TRAPPC9: variants seen among roughly 807,000 people sequenced by gnomAD.
The protein encoded by TRAPPC9 is trafficking protein particle complex subunit 9.
TRAPPC9 carries 83 observed loss-of-function variants against 124.0 expected under a neutral mutation model. The observed-to-expected ratio is 0.67, with a 90% CI of 0.56 to 0.80. The LOEUF (loss-of-function observed/expected upper bound fraction) is 0.80, where lower values mean the gene tolerates loss of function less well. Ranked by LOEUF, TRAPPC9 falls within the 30% of genes least tolerant of loss-of-function variation. The probability of loss-of-function intolerance (pLI) is 0.00; values close to 1 mark genes in which losing one functional copy is unlikely to be tolerated. For synonymous variants in TRAPPC9, 638 were observed against 617.5 expected (o/e 1.03, Z -0.49); for missense variants, 1,302 against 1,508.3 (o/e 0.86, Z 2.27).
intron 1 of TRAPPC9, among the ~76,000 whole-genome samples, chr8:140,455,924 C>A (rs2071643391): frequency 1.3e-5 from 2 of 152,166 alleles, no homozygotes; most frequent in Admixed American, 1.3e-4. Flanking sequence ...CAAAAGGCCA[C>A]ATGTTGTATG....
chr8:139,848,087 G>C (rs1226124628), intron 21 of TRAPPC9, among the ~76,000 whole-genome samples: 1 of 152,138 alleles, frequency 6.6e-6, no homozygotes, highest in Non-Finnish European at 1.5e-5. Context: ...CCATCTAAAG[G>C]GCTTTTTCCA....
chr8:140,191,282 T>A (rs923374354), intron 17 of TRAPPC9, among the ~76,000 whole-genome samples: 4 of 152,168 alleles, frequency 2.6e-5, no homozygotes, highest in African/African-American at 9.7e-5. Flanking sequence ...TCACAGAAAC[T>A]CAGTAATTTG....
intron 17 of TRAPPC9, among the ~76,000 whole-genome samples, chr8:140,105,979 A>G (rs1372244497): frequency 6.6e-6 from 1 of 152,000 alleles, no homozygotes; most frequent in Non-Finnish European, 1.5e-5. Flanking sequence ...TCAAAGGTCC[A>G]AGCCTATCCA....
At chr8:140,316,747 A>G (rs1402640885) in intron 9 of TRAPPC9, among the ~76,000 whole-genome samples, 1 of 152,178 alleles carries the variant, frequency 6.6e-6, no homozygotes, top group East Asian at 1.9e-4. Context: ...TGGTTTTAGT[A>G]TACCAAAGTA....
chr8:140,348,557 G>A (rs1460375027), intron 9 of TRAPPC9, among the ~76,000 whole-genome samples: 1 of 152,052 alleles, frequency 6.6e-6, no homozygotes, highest in African/African-American at 2.4e-5. Context: ...ACCTAAAGAT[G>A]TTCACCACAG....
chr8:140,094,252 G>A (rs1190732880), intron 17 of TRAPPC9, among the ~76,000 whole-genome samples: 2 of 152,222 alleles, frequency 1.3e-5, no homozygotes, highest in Non-Finnish European at 2.9e-5. Flanking sequence ...GCAGGGAGGT[G>A]CACCCACAGT....
intron 21 of TRAPPC9, among the ~76,000 whole-genome samples, chr8:139,755,596 G>A (rs1306785237): frequency 2.4e-5 from 3 of 123,150 alleles, no homozygotes; most frequent in African/African-American, 6.7e-5. Context: ...ACAGCAGGTC[G>A]CAGGAGGAGC....
intron 17 of TRAPPC9, among the ~76,000 whole-genome samples, chr8:140,211,838 C>T (rs1005498095): frequency 2.6e-5 from 4 of 152,202 alleles, no homozygotes; most frequent in Non-Finnish European, 4.4e-5. Flanking sequence ...AGAAGGCATG[C>T]TTCACAAGCC....
intron 13 of TRAPPC9, among the ~76,000 whole-genome samples, chr8:140,286,896 G>C (rs568554982): frequency 1.1e-4 from 16 of 152,124 alleles, no homozygotes; most frequent in Non-Finnish European, 1.9e-4. Flanking sequence ...CAGGGCCAGG[G>C]AACACAGGGC....
chr8:140,253,603 G>A (rs976411608), intron 15 of TRAPPC9, among the ~76,000 whole-genome samples: 11 of 151,972 alleles, frequency 7.2e-5, no homozygotes, highest in African/African-American at 1.9e-4. Flanking sequence ...GCTTGAACCC[G>A]GCAGGCAGAG....
chr8:140,428,079 C>T (rs571348912), intron 4 of TRAPPC9, among the ~76,000 whole-genome samples: 1 of 152,272 alleles, frequency 6.6e-6, no homozygotes, highest in East Asian at 1.9e-4. Flanking sequence ...GCTGCACAGA[C>T]CTTGAGGAAG....
chr8:140,368,199 C>T (rs556248166), intron 8 of TRAPPC9, among the ~76,000 whole-genome samples: 1 of 152,216 alleles, frequency 6.6e-6, no homozygotes, highest in Non-Finnish European at 1.5e-5. Context: ...TTTGTCTTAG[C>T]CGTTGTGATG....
intron 16 of TRAPPC9, among the ~76,000 whole-genome samples, chr8:140,231,597 A>G (rs2063598873): frequency 7.2e-6 from 1 of 139,772 alleles, no homozygotes; most frequent in South Asian, 2.2e-4. Flanking sequence ...GGTTCAAGCA[A>G]TTCTCCTGCC....
intron 21 of TRAPPC9, among the ~76,000 whole-genome samples, chr8:139,783,603 G>A (rs1328011370): frequency 6.6e-6 from 1 of 152,170 alleles, no homozygotes; most frequent in Non-Finnish European, 1.5e-5. Flanking sequence ...ATTGAAGAAA[G>A]ACACAAACTC....
At chr8:140,410,315 C>T (rs1164248744) in intron 5 of TRAPPC9, among the ~76,000 whole-genome samples, 3 of 152,000 alleles carry the variant, frequency 2.0e-5, no homozygotes, top group African/African-American at 2.4e-5. Flanking sequence ...GCAGACAGAT[C>T]GCCTGAGGCC....
intron 21 of TRAPPC9, chr8:139,880,944 C>A (rs1332053189): frequency 6.6e-6 from 1 of 152,252 alleles, no homozygotes; most frequent in Non-Finnish European, 1.5e-5. Context: ...GACAGGCTCA[C>A]CTCCTGAAGG....
At chr8:139,791,581 GACACAC>G (rs137877446) in intron 21 of TRAPPC9, among the ~76,000 whole-genome samples, 1 of 141,782 alleles carries the variant, frequency 7.1e-6, no homozygotes, top group Non-Finnish European at 1.5e-5. Context: ...CCCCTGCACA[GACACAC>G]ACACACACTC....
chr8:140,435,148 T>C lies in TRAPPC9; in HGVS notation c.823A>G (p.Thr275Ala), dbSNP rs764791200. Residue 275 changes from threonine (T) to alanine (A), a missense_variant, in exon 4 of 23, where the codon ACC becomes GCC. By Grantham distance (58) the Thr-to-Ala change is moderately conservative. This residue lies in a region of TRAPPC9 where 657 missense variants were observed against 811.2 expected (regional missense o/e 0.81). Transcript: ENST00000438773. The stretch of plus-strand genomic sequence containing the variant: ...CTATTGGCTGCTTCAGCAGGAAGGG[T>C]GCTGCCCTGGAACCTCCGAGCTCCA... Reference protein sequence around the residue: ...KSGARRFQGSTLPAEAANRHR... With the variant: ...KSGARRFQGSALPAEAANRHR... 2.6e-5 allele frequency: 42 copies of C among 1,613,500 alleles called. No homozygotes were observed. Among genetic ancestry groups the C allele is most frequent in the South Asian group, 1.3e-4 (12 of 90,986 alleles).
chr8:140,358,713 G>A (rs2067831479), intron 9 of TRAPPC9, among the ~76,000 whole-genome samples: 1 of 152,212 alleles, frequency 6.6e-6, no homozygotes, highest in African/African-American at 2.4e-5. Context: ...AGGGAGTGGG[G>A]TCGCCACCTG....
Sources: allele counts gnomAD v4.1 joint callset (sites outside exome capture counted in the v4.1 genomes callset), GRCh38; gene constraint gnomAD v4.1.1; regional missense constraint gnomAD v4.1.1; transcripts MANE v1.5; gene names NCBI Gene and HGNC (gene_info 2026-07-23, HGNC 2026-07-21).